Variants in NSMCE2 observed in about 807,000 individuals in gnomAD.
The protein encoded by NSMCE2 is NSE2 SUMO ligase component of SMC5/6 complex.
Under a neutral mutation model 23.8 loss-of-function variants are expected in NSMCE2, and 24 were observed. That is an observed-to-expected ratio of 1.01 (90% CI 0.73 to 1.42). The LOEUF (loss-of-function observed/expected upper bound fraction) is 1.42. Among genes scored for constraint, NSMCE2 ranks in the 40% most tolerant of loss-of-function variants. NSMCE2 has a pLI of 0.00. For missense variants in NSMCE2, 284 were observed against 296.5 expected (o/e 0.96, Z 0.31); for synonymous variants, 92 against 94.1 (o/e 0.98, Z 0.13).
intron 4 of NSMCE2, among the ~76,000 whole-genome samples, chr8:125,152,159 T>C (rs1221115772): frequency 1.3e-5 from 2 of 152,252 alleles, no homozygotes; most frequent in African/African-American, 4.8e-5. Context: ...ACTATAGTAT[T>C]TGACTAACTT....
At chr8:125,126,645 T>C (rs1262256270) in intron 3 of NSMCE2, among the ~76,000 whole-genome samples, 1 of 152,212 alleles carries the variant, frequency 6.6e-6, no homozygotes, top group Non-Finnish European at 1.5e-5. Context: ...CATATTCTGT[T>C]GGCTAGGCAG....
At chr8:125,366,618 C>T (rs1479674618) in intron 7 of NSMCE2, 150 bp from the exon 8 acceptor site, 1 of 627,874 alleles carries the variant, frequency 1.6e-6, no homozygotes, top group Non-Finnish European at 2.9e-6. Context: ...CAGGTAGGGA[C>T]TCAGTGAATA....
chr8:125,246,921 C>T (rs1825991621), intron 5 of NSMCE2, among the ~76,000 whole-genome samples: 2 of 151,894 alleles, frequency 1.3e-5, no homozygotes, highest in African/African-American at 4.8e-5. Flanking sequence ...GGTTAAAATA[C>T]TTAAGATCAG....
chr8:125,283,982 T>C (rs1167847994), intron 5 of NSMCE2, among the ~76,000 whole-genome samples: 1 of 151,820 alleles, frequency 6.6e-6, no homozygotes, highest in Non-Finnish European at 1.5e-5. Context: ...TGAAACCCCG[T>C]CTCTACTAAA....
intron 5 of NSMCE2, among the ~76,000 whole-genome samples, chr8:125,356,168 A>G (rs1448916035): frequency 6.6e-6 from 1 of 152,022 alleles, no homozygotes; most frequent in African/African-American, 2.4e-5. Context: ...CTATGAAGCC[A>G]GACATTCAAG....
At chr8:125,318,572 A>G (rs1306306483) in intron 5 of NSMCE2, among the ~76,000 whole-genome samples, 1 of 152,238 alleles carries the variant, frequency 6.6e-6, no homozygotes, top group East Asian at 1.9e-4. Context: ...GTTAATGGCA[A>G]CATCTATTGT....
intron 5 of NSMCE2, among the ~76,000 whole-genome samples, chr8:125,257,619 C>T (rs565999619): frequency 1.2e-4 from 18 of 150,788 alleles, no homozygotes; most frequent in Non-Finnish European, 2.2e-4. Context: ...CTGCAAGCTC[C>T]GCCTCCCGGG....
intron 5 of NSMCE2, among the ~76,000 whole-genome samples, chr8:125,288,858 G>A (rs746625563): frequency 6.6e-6 from 1 of 151,950 alleles, no homozygotes; most frequent in Non-Finnish European, 1.5e-5. Flanking sequence ...GCAGTGGCTC[G>A]ATCTTGGCTC....
intron 3 of NSMCE2, among the ~76,000 whole-genome samples, chr8:125,106,040 G>T (rs1818441237): frequency 8.5e-6 from 1 of 117,976 alleles, no homozygotes; most frequent in East Asian, 2.2e-4. Flanking sequence ...ATGCGTGTGT[G>T]TGTGCATACA....
chr8:125,305,361 A>G (rs1476070487), intron 5 of NSMCE2, among the ~76,000 whole-genome samples: 1 of 152,150 alleles, frequency 6.6e-6, no homozygotes, highest in Non-Finnish European at 1.5e-5. Context: ...CTAGGATCTG[A>G]ACATGGATTT....
At chr8:125,354,869 C>A (rs62521019) in intron 5 of NSMCE2, among the ~76,000 whole-genome samples, 2,153 of 152,290 alleles carry the variant, frequency 0.014, 25 homozygotes, top group Non-Finnish European at 0.024. Flanking sequence ...CCAAAACCCA[C>A]AATGCTCCAA....
intron 3 of NSMCE2, among the ~76,000 whole-genome samples, chr8:125,109,215 C>G (rs558492453): frequency 6.6e-6 from 1 of 152,104 alleles, no homozygotes; most frequent in African/African-American, 2.4e-5. Context: ...TCTTTGTGAC[C>G]TTGGGCAAAT....
chr8:125,159,128 A>G (rs1309809182), intron 4 of NSMCE2, among the ~76,000 whole-genome samples: 1 of 152,202 alleles, frequency 6.6e-6, no homozygotes, highest in Non-Finnish European at 1.5e-5. Flanking sequence ...GTACAATAAG[A>G]CATTTTGAGA....
At chr8:125,198,265 C>T (rs576699809) in intron 5 of NSMCE2, among the ~76,000 whole-genome samples, 58 of 152,178 alleles carry the variant, frequency 3.8e-4, no homozygotes, top group African/African-American at 1.0e-3. Flanking sequence ...TATCTTGTGC[C>T]GGTTTTCAAA....
chr8:125,316,351 G>A (rs1032763557), intron 5 of NSMCE2, among the ~76,000 whole-genome samples: 4 of 152,150 alleles, frequency 2.6e-5, no homozygotes, highest in Admixed American at 6.5e-5. Context: ...TGCCTTCTTG[G>A]GAAAATAGAA....
intron 5 of NSMCE2, among the ~76,000 whole-genome samples, chr8:125,318,985 G>A (rs1423234207): frequency 6.6e-6 from 1 of 152,182 alleles, no homozygotes; most frequent in Non-Finnish European, 1.5e-5. Flanking sequence ...ATGAGCACAT[G>A]CATGTGAAGA....
At chr8:125,250,251 A>G (rs567957591) in intron 5 of NSMCE2, among the ~76,000 whole-genome samples, 2 of 152,286 alleles carry the variant, frequency 1.3e-5, no homozygotes, top group Admixed American at 1.3e-4. Flanking sequence ...TGGCTTCCCA[A>G]AGCCACCACG....
intron 5 of NSMCE2, among the ~76,000 whole-genome samples, chr8:125,220,574 C>G (rs1213553944): frequency 6.6e-6 from 1 of 151,634 alleles, no homozygotes; most frequent in Admixed American, 6.6e-5. Context: ...AACTTGTTCT[C>G]TGCTTGACTT....
intron 5 of NSMCE2, among the ~76,000 whole-genome samples, chr8:125,287,588 C>T (rs1175620581): frequency 6.6e-6 from 1 of 152,172 alleles, no homozygotes; most frequent in Non-Finnish European, 1.5e-5. Context: ...TCTGTATCAT[C>T]CATATCATTA....
Sources: allele counts gnomAD v4.1 joint callset (sites outside exome capture counted in the v4.1 genomes callset), GRCh38; gene constraint gnomAD v4.1.1; transcripts MANE v1.5; gene names NCBI Gene and HGNC (gene_info 2026-07-23, HGNC 2026-07-21).